The following CADPS2 variants were observed in gnomAD, a reference collection of about 807,000 sequenced individuals.
CADPS2 encodes the protein calcium-dependent secretion activator 2.
CADPS2 carries 93 observed loss-of-function variants against 172.5 expected under a neutral mutation model. The ratio of observed to expected loss-of-function variants is 0.54; its 90% CI spans 0.46 to 0.64. The LOEUF is 0.64. Among genes scored for constraint, CADPS2 ranks in the 30% least tolerant of loss-of-function variants. The pLI is 0.00. For missense variants in CADPS2, 1,420 were observed against 1,565.9 expected (o/e 0.91, Z 1.57); for synonymous variants, 546 against 555.2 (o/e 0.98, Z 0.23).
chr7:122,502,968 T>G (rs188873770), intron 9 of CADPS2, among the ~76,000 whole-genome samples: 3 of 152,174 alleles, frequency 2.0e-5, no homozygotes, highest in Admixed American at 2.0e-4. Flanking sequence ...CCATAACACT[T>G]ATTTCATAAG....
chr7:122,548,581 T>A (rs939647475), intron 8 of CADPS2, among the ~76,000 whole-genome samples: 3 of 152,188 alleles, frequency 2.0e-5, no homozygotes, highest in African/African-American at 7.2e-5. Flanking sequence ...AAATCATACT[T>A]ATTTAATGAT....
chr7:122,850,631 T>C (rs753571637), intron 1 of CADPS2, among the ~76,000 whole-genome samples: 1 of 152,244 alleles, frequency 6.6e-6, no homozygotes, highest in African/African-American at 2.4e-5. Context: ...CCTATCCTGA[T>C]GGTCAGCTCC....
intron 6 of CADPS2, among the ~76,000 whole-genome samples, chr7:122,585,963 A>G (rs1314369361): frequency 6.6e-6 from 1 of 152,006 alleles, no homozygotes; most frequent in Non-Finnish European, 1.5e-5. Context: ...TAAGTATTAA[A>G]AAGAGTCTAA....
At chr7:122,589,868 T>A (rs991632311) in intron 6 of CADPS2, among the ~76,000 whole-genome samples, 1 of 151,938 alleles carries the variant, frequency 6.6e-6, no homozygotes, top group Non-Finnish European at 1.5e-5. Context: ...ATGTGTGTAC[T>A]TAAACGTATA....
intron 20 of CADPS2, 64 bp from the exon 21 acceptor site, chr7:122,393,646 G>A: frequency 6.3e-7 from 1 of 1,580,596 alleles, no homozygotes; most frequent in Non-Finnish European, 8.6e-7. Context: ...GGAAAATATG[G>A]GCCAAAAAAA....
At chr7:122,817,067 C>T (rs1305303554) in intron 1 of CADPS2, among the ~76,000 whole-genome samples, 1 of 151,752 alleles carries the variant, frequency 6.6e-6, no homozygotes, top group Non-Finnish European at 1.5e-5. Flanking sequence ...CCCATATCTC[C>T]CTTCGCTAAC....
chr7:122,373,382 T>C (rs2151288117), intron 25 of CADPS2, among the ~76,000 whole-genome samples: 1 of 152,312 alleles, frequency 6.6e-6, no homozygotes, highest in Non-Finnish European at 1.5e-5. Flanking sequence ...ATCTGCATTT[T>C]AACAGTTCTC....
chr7:122,655,928 C>T (rs2079713753), intron 3 of CADPS2, among the ~76,000 whole-genome samples: 1 of 152,090 alleles, frequency 6.6e-6, no homozygotes, highest in Admixed American at 6.6e-5. Flanking sequence ...TCATCACTCC[C>T]ATCCTCAGAA....
At chr7:122,415,924 A>G (rs957218824) in intron 18 of CADPS2, 137 bp downstream of exon 18, 12 of 480,896 alleles carry the variant, frequency 2.5e-5, no homozygotes, top group African/African-American at 1.9e-4. Flanking sequence ...GCAGTGAAAC[A>G]CTGCTTATCG....
intron 14 of CADPS2, among the ~76,000 whole-genome samples, chr7:122,453,836 T>A (rs1404666968): frequency 3.3e-5 from 5 of 152,076 alleles, no homozygotes; most frequent in Non-Finnish European, 7.4e-5. Flanking sequence ...GAAAGGTAAG[T>A]CAGGGGAAGC....
At chr7:122,404,551 C>G (rs1205866219) in intron 20 of CADPS2, among the ~76,000 whole-genome samples, 1 of 152,098 alleles carries the variant, frequency 6.6e-6, no homozygotes, top group Non-Finnish European at 1.5e-5. Flanking sequence ...AGTTCTAGGT[C>G]CCTGAGGAAT....
At chr7:122,839,454 C>T (rs1240019280) in intron 1 of CADPS2, among the ~76,000 whole-genome samples, 1 of 152,164 alleles carries the variant, frequency 6.6e-6, no homozygotes, top group Non-Finnish European at 1.5e-5. Flanking sequence ...TAAAGAACTT[C>T]TGCACAGCAA....
Position 122,886,190 on chromosome 7 carries a change from C to G in CADPS2, c.148G>C (p.Gly50Arg). Residue 50 changes from glycine (G) to arginine (R), a missense_variant, in exon 1 of 30, where the codon GGC becomes CGC. Physicochemically the swap from Gly to Arg is moderately radical, Grantham distance 125. Transcript: ENST00000449022. The stretch of plus-strand genomic sequence containing the variant: ...CTCACAGATCTGGCCGCGCCGCCGC[C>G]GCCCGCGCGCCCCGGCGCGTCCCGC... ...GRRDAPGRAG[G>R]GGAARSVSPS... 6.8e-7 allele frequency: 1 copy of G among 1,469,542 alleles called. No individual in the cohort carries two copies. Among genetic ancestry groups the G allele is most frequent in the Non-Finnish European group, 8.9e-7 (1 of 1,119,926 alleles). 91.0% of individuals were successfully genotyped at this position (1,469,542 alleles called of 1,614,324 possible). A position where few individuals can be genotyped will look rare whatever the true frequency, so the allele number is the denominator to read the frequency against.
At chr7:122,604,114 T>A (rs556176082) in intron 6 of CADPS2, among the ~76,000 whole-genome samples, 20 of 152,272 alleles carry the variant, frequency 1.3e-4, no homozygotes, top group African/African-American at 4.1e-4. Context: ...AAATTCTACT[T>A]CCTTATCTTT....
intron 12 of CADPS2, among the ~76,000 whole-genome samples, chr7:122,477,052 A>AAGAGAGAGAGAGAG (rs541881529): frequency 1.2e-4 from 3 of 25,990 alleles, no homozygotes; most frequent in African/African-American, 4.5e-4. Context: ...GGAGAGAGAG[A>AAGAGAGAGAGAGAG]AGAGAGAGAG....
intron 1 of CADPS2, among the ~76,000 whole-genome samples, chr7:122,870,271 T>C (rs1205037654): frequency 6.6e-6 from 1 of 151,802 alleles, no homozygotes; most frequent in African/African-American, 2.4e-5. Context: ...AAAAAGATAT[T>C]CCACACAAAT....
At chr7:122,535,141 G>A (rs933216841) in intron 8 of CADPS2, among the ~76,000 whole-genome samples, 2 of 152,058 alleles carry the variant, frequency 1.3e-5, no homozygotes, top group African/African-American at 4.8e-5. Flanking sequence ...TGGTACTTGA[G>A]TATCGTGAAC....
chr7:122,804,983 ACT>A (rs1798471912), intron 1 of CADPS2, among the ~76,000 whole-genome samples: 1 of 152,090 alleles, frequency 6.6e-6, no homozygotes, highest in Non-Finnish European at 1.5e-5. Context: ...CAGTGAGAGA[ACT>A]CTGTTATACT....
chr7:122,489,929 A>G (rs572396681), intron 11 of CADPS2, 152 bp downstream of exon 11: 3 of 213,274 alleles, frequency 1.4e-5, no homozygotes, highest in African/African-American at 4.7e-5. Flanking sequence ...GAAAAATTAG[A>G]TAAGTGATTA....
Sources: gnomAD v4.1 joint callset for allele counts (sites outside exome capture counted in the v4.1 genomes callset) on GRCh38, gnomAD v4.1.1 for gene constraint, MANE v1.5 for transcripts, NCBI Gene and HGNC (gene_info 2026-07-23, HGNC 2026-07-21) for gene names.